The following C14orf132 variants were observed in gnomAD, a reference collection of about 807,000 sequenced individuals.
C14orf132 encodes chromosome 14 open reading frame 132.
Under a neutral mutation model 5.8 loss-of-function variants are expected in C14orf132, and 6 were observed. The observed-to-expected ratio is 1.03, with a 90% CI of 0.57 to 2.04. The LOEUF (loss-of-function observed/expected upper bound fraction) is 2.04, where lower values mean the gene tolerates loss of function less well. C14orf132 is among the 30% of genes most tolerant of loss of function. The pLI is 0.00. For synonymous variants in C14orf132, 51 were observed against 49.8 expected, an observed-to-expected ratio of 1.02 and a Z score of -0.10; for missense variants, 125 against 115.8, an observed-to-expected ratio of 1.08 and a Z score of -0.37.
At position 96,093,498 on chromosome 14, in the gene C14orf132, T is replaced by TATTTAATATTATACTATTAATA. The variant is rs2139696570; in HGVS notation, c.*6763_*6764insATTTAATATTATACTATTAATA. On this transcript the variant is annotated 3_prime_UTR_variant, in exon 2 of 2. Transcript: ENST00000555004. ...GCCAGTTGAAGGCATACTAATATTC[T>TATTTAATATTATACTATTAATA]TTATACTATTTAATCTTTTGCAGAA... 6.6e-6 allele frequency: 1 copy of TATTTAATATTATACTATTAATA among 152,360 alleles called. No individual in the cohort carries two copies. The highest frequency in any genetic ancestry group is 1.9e-4 in the East Asian group (1 of 5,188). The allele number at this position is 152,360 out of a possible 1,614,324, so 9.4% of individuals were successfully genotyped here.
intron 1 of C14orf132, among the ~76,000 whole-genome samples, chr14:96,075,379 AG>A (rs1887831482): frequency 1.3e-5 from 2 of 152,242 alleles, no homozygotes; most frequent in South Asian, 4.1e-4. Flanking sequence ...TTTATATATA[AG>A]GCATCTCTAT....
At chr14:96,046,566 GTT>G (rs1886835930) in intron 1 of C14orf132, among the ~76,000 whole-genome samples, 1 of 152,216 alleles carries the variant, frequency 6.6e-6, no homozygotes, top group Non-Finnish European at 1.5e-5. Context: ...ATCCAAGTAG[GTT>G]TCCTGTGCTT....
chr14:96,041,970 T>C (rs1886704609), intron 1 of C14orf132, among the ~76,000 whole-genome samples: 1 of 152,196 alleles, frequency 6.6e-6, no homozygotes, highest in Admixed American at 6.5e-5. Flanking sequence ...CAGCACGTAG[T>C]AGGTCCTCAA....
chr14:96,054,631 C>T (rs1295317177), intron 1 of C14orf132, among the ~76,000 whole-genome samples: 2 of 152,194 alleles, frequency 1.3e-5, no homozygotes, highest in Admixed American at 6.5e-5. Context: ...AGCATGGACA[C>T]CAGGAATTAT....
Position 96,060,200 on chromosome 14 carries a change from G to A in C14orf132, c.27+20673G>A, listed in dbSNP as rs1055939613. The stretch of plus-strand genomic sequence containing the variant: ...TAGATTGTCATTTGTGGAGCTGATC[G>A]GCTGGTTCTTGTGTGGCTCCCCAGC... On this transcript the variant is annotated intron_variant, in intron 1 of 1. Transcript: ENST00000555004. Among the ~76,000 whole-genome samples the A allele has an allele frequency of 2.2e-4, 34 of 152,144 alleles. 3 individuals are homozygous for A. The highest frequency in any genetic ancestry group is 2.1e-3 in the Admixed American group (32 of 15,278).
Position 96,039,431 on chromosome 14 carries a change from A to G in C14orf132, c.-70A>G. 1.4e-6 allele frequency: 2 copies of G among 1,417,464 alleles called. No individual in the cohort carries two copies. The highest frequency in any genetic ancestry group is 1.9e-6 in the Non-Finnish European group (2 of 1,076,514). The allele number at this position is 1,417,464 out of a possible 1,614,324, so 87.8% of individuals were successfully genotyped here. ...TCGCTGCTCAGCCCGATCCCCGCCA[A>G]CTGTGCAGGCGGCTGACCCGCAGCG... On this transcript the variant is annotated 5_prime_UTR_variant, in exon 1 of 2. Coordinates refer to ENST00000555004, the MANE Select transcript of C14orf132 (RefSeq NM_001252507.3). The surrounding 1 kb of genome is among the most constrained non-coding windows in gnomAD (Gnocchi z 5.3).
rs946810878 is a variant in C14orf132, at chr14:96,086,686, C to T, written c.203C>T (p.Thr68Met). 48 of 1,536,176 alleles carry T rather than the reference C, an allele frequency of 3.1e-5. No individual in the cohort carries two copies. The highest frequency in any genetic ancestry group is 9.6e-5 in the African/African-American group (7 of 73,176). The stretch of plus-strand genomic sequence containing the variant: ...TTGCTATGGATTGCCATCATAGCTA[C>T]GCTGGGGAACATCGTGGTGGTGGGC... Reference protein sequence around the residue: ...AVLLWIAIIATLGNIVVVGVV... With the variant: ...AVLLWIAIIAMLGNIVVVGVV... Residue 68 changes from threonine to methionine, a missense_variant, in exon 2 of 2, where the codon ACG becomes ATG. Thr to Met is a moderately conservative substitution (Grantham distance 81, BLOSUM62 -1). Coordinates refer to ENST00000555004, the MANE Select transcript of C14orf132 (RefSeq NM_001252507.3).
In C14orf132 at chr14:96,091,214, G is replaced by T. The variant is rs1888395333; in HGVS notation, c.*4479G>T. On this transcript the variant is annotated 3_prime_UTR_variant, in exon 2 of 2. Transcript: ENST00000555004. ...GATCCCCCTGGGATGGACCATCTCGGGATATGAGGCCTCGGAGGCTGGGGT... is the reference window on the plus strand; with the variant it reads ...GATCCCCCTGGGATGGACCATCTCGTGATATGAGGCCTCGGAGGCTGGGGT... 1.4e-5 allele frequency: 5 copies of T among 357,946 alleles called. No individual in the cohort carries two copies. The highest frequency in any genetic ancestry group is 7.5e-5 in the Admixed American group (2 of 26,626). The allele number at this position is 357,946 out of a possible 1,614,324, so 22.2% of individuals were successfully genotyped here.
At position 96,039,492 on chromosome 14, in the gene C14orf132, A is replaced by G; in HGVS notation, c.-9A>G. ...CAGCGAGGACTCGAGCGCTGGCTGC[A>G]GCGACACCATGGATCTCTCCTTTAT... On this transcript the variant is annotated 5_prime_UTR_variant, in exon 1 of 2. Coordinates refer to ENST00000555004, the MANE Select transcript of C14orf132 (RefSeq NM_001252507.3). The surrounding 1 kb of genome is among the most constrained non-coding windows in gnomAD (Gnocchi z 5.3). 2.0e-6 allele frequency: 3 copies of G among 1,497,888 alleles called. No individual in the cohort carries two copies. The highest frequency in any genetic ancestry group is 2.7e-6 in the Non-Finnish European group (3 of 1,126,658). 92.8% of individuals were successfully genotyped at this position (1,497,888 alleles called of 1,614,324 possible).
In C14orf132 at chr14:96,092,532, G is replaced by T. The variant is rs1002135691; in HGVS notation, c.*5797G>T. On this transcript the variant is annotated 3_prime_UTR_variant, in exon 2 of 2. Coordinates refer to ENST00000555004, the MANE Select transcript of C14orf132 (RefSeq NM_001252507.3). ...CTGTGTCCCCTGTATCTGTCTCACT[G>T]GCTGTCTTTCTCCCAGTTTCTTAAA... The T allele has an allele frequency of 6.6e-6, 1 of 152,168 alleles. No homozygotes were observed. Among genetic ancestry groups the T allele is most frequent in the Non-Finnish European group, 1.5e-5 (1 of 68,058 alleles). 9.4% of individuals were successfully genotyped at this position (152,168 alleles called of 1,614,324 possible).
intron 1 of C14orf132, among the ~76,000 whole-genome samples, chr14:96,083,830 C>T (rs1195528444): frequency 6.6e-6 from 1 of 152,188 alleles, no homozygotes; most frequent in Non-Finnish European, 1.5e-5. Context: ...ACCTGCAAAG[C>T]TATTAAATAA....
Position 96,093,287 on chromosome 14 carries a change from T to A in C14orf132, c.*6552T>A, listed in dbSNP as rs1888475600. 6.6e-6 allele frequency: 1 copy of A among 152,192 alleles called. No homozygotes were observed. The highest frequency in any genetic ancestry group is 2.1e-4 in the South Asian group (1 of 4,826). The allele number at this position is 152,192 out of a possible 1,614,324, so 9.4% of individuals were successfully genotyped here. Reference sequence around the variant, plus strand: ...GGATGGGAGTGTGGGGCTGAACTTTTCCCTACCCTTAACTTTGTGTCTCTG... The same window carrying A: ...GGATGGGAGTGTGGGGCTGAACTTTACCCTACCCTTAACTTTGTGTCTCTG... On this transcript the variant is annotated 3_prime_UTR_variant, in exon 2 of 2. Coordinates refer to ENST00000555004, the MANE Select transcript of C14orf132 (RefSeq NM_001252507.3).
At chr14:96,062,766 G>A (rs1175207670) in intron 1 of C14orf132, among the ~76,000 whole-genome samples, 1 of 152,186 alleles carries the variant, frequency 6.6e-6, no homozygotes, top group Non-Finnish European at 1.5e-5. Context: ...TTAAAGCGCT[G>A]TCTTCACTCC....
Position 96,086,565 on chromosome 14 carries a change from G to A in C14orf132, c.82G>A (p.Glu28Lys), listed in dbSNP as rs545000566. The change falls in exon 2 of 2, where the codon GAG becomes AAG. Residue 28 changes from glutamate to lysine, a missense_variant. Coordinates refer to ENST00000555004, the MANE Select transcript of C14orf132 (RefSeq NM_001252507.3). ...CTCGCCCAACGAGGACTTCAGCACCGAGTACTCCCTGTTTAACTCCTCTGC... is the reference window on the plus strand; with the variant it reads ...CTCGCCCAACGAGGACTTCAGCACCAAGTACTCCCTGTTTAACTCCTCTGC... ...MDSPNEDFSTEYSLFNSSANV... is the reference protein window; with the variant it reads ...MDSPNEDFSTKYSLFNSSANV... The A allele has an allele frequency of 3.8e-5, 59 of 1,536,106 alleles. No individual in the cohort carries two copies. Among genetic ancestry groups the A allele is most frequent in the Non-Finnish European group, 4.6e-5 (53 of 1,146,898 alleles).
At chr14:96,051,287 C>T in intron 1 of C14orf132, 2 of 398,452 alleles carry the variant, frequency 5.0e-6, no homozygotes, top group Non-Finnish European at 8.8e-6. Flanking sequence ...GGTGTGGGGT[C>T]TGCAGACCAG....
In C14orf132 at chr14:96,089,273, A is replaced by T. The variant is rs1477506276; in HGVS notation, c.*2538A>T. On this transcript the variant is annotated 3_prime_UTR_variant, in exon 2 of 2. Coordinates refer to ENST00000555004, the MANE Select transcript of C14orf132 (RefSeq NM_001252507.3). Reference sequence around the variant, plus strand: ...AAAAGATGCCGGTCCTCACTGCTTAAGTTTTGTGTCCAGGTGCCACTAGAC... The same window carrying T: ...AAAAGATGCCGGTCCTCACTGCTTATGTTTTGTGTCCAGGTGCCACTAGAC... 2 of 152,256 alleles carry T rather than the reference A, an allele frequency of 1.3e-5. No individual in the cohort carries two copies. Among genetic ancestry groups the T allele is most frequent in the African/African-American group, 4.8e-5 (2 of 41,422 alleles). 9.4% of individuals were successfully genotyped at this position (152,256 alleles called of 1,614,324 possible).
rs1888305053 is a variant in C14orf132 at position 96,089,221 on chromosome 14, G to A, written c.*2486G>A. 6.6e-6 allele frequency: 1 copy of A among 152,304 alleles called. No homozygotes were observed. Among genetic ancestry groups the A allele is most frequent in the Admixed American group, 6.5e-5 (1 of 15,288 alleles). The allele number at this position is 152,304 out of a possible 1,614,324, so 9.4% of individuals were successfully genotyped here. The stretch of plus-strand genomic sequence containing the variant: ...CACTCTCCCTCCTGCCTCAGCCGGG[G>A]TCCGTCTTAGCAGTTTGGAAAGGGG... On this transcript the variant is annotated 3_prime_UTR_variant, in exon 2 of 2. Transcript: ENST00000555004.
At chr14:96,040,721 T>G (rs990520064) in intron 1 of C14orf132, among the ~76,000 whole-genome samples, 10 of 151,796 alleles carry the variant, frequency 6.6e-5, no homozygotes, top group African/African-American at 2.2e-4. Context: ...TCCATGATGC[T>G]AATTGCCCTT....
chr14:96,086,157 A>G (rs890550690), intron 1 of C14orf132, among the ~76,000 whole-genome samples: 3 of 152,136 alleles, frequency 2.0e-5, no homozygotes, highest in Non-Finnish European at 4.4e-5. Context: ...TTAGAAGAGG[A>G]ATGAAGGCAT....
Sources: gnomAD v4.1 joint callset for allele counts (sites outside exome capture counted in the v4.1 genomes callset) on GRCh38, gnomAD v4.1.1 for gene constraint, Gnocchi (gnomAD v3.1) non-coding constraint, MANE v1.5 for transcripts, NCBI Gene and HGNC (gene_info 2026-07-23, HGNC 2026-07-21) for gene names.